Variants in FANCL observed in about 807,000 individuals in gnomAD.
The protein encoded by FANCL is E3 ubiquitin-protein ligase FANCL.
A neutral mutation model predicts 59.4 loss-of-function variants in FANCL; 69 were observed. That is an observed-to-expected ratio of 1.16 (90% CI 0.96 to 1.42). The LOEUF (loss-of-function observed/expected upper bound fraction) is 1.42, where lower values mean the gene tolerates loss of function less well. FANCL is among the 40% of genes most tolerant of loss of function. The pLI is 0.00. For synonymous variants in FANCL, 180 were observed against 147.1 expected (o/e 1.22, Z -1.62); for missense variants, 519 against 447.2 (o/e 1.16, Z -1.45).
At chr2:58,160,520 T>G (rs1326485417) in intron 12 of FANCL, among the ~76,000 whole-genome samples, 1 of 152,040 alleles carries the variant, frequency 6.6e-6, no homozygotes, top group Non-Finnish European at 1.5e-5. Flanking sequence ...ATTCATAGAC[T>G]TTCCCTAAAT....
At chr2:58,176,155 C>A (rs1428131270) in intron 7 of FANCL, among the ~76,000 whole-genome samples, 2 of 152,040 alleles carry the variant, frequency 1.3e-5, no homozygotes, top group Non-Finnish European at 2.9e-5. Context: ...GAAGAACATT[C>A]CATGCTCATG....
intron 9 of FANCL, 38 bp downstream of exon 9, chr2:58,163,396 G>T (rs771817789): frequency 7.8e-7 from 1 of 1,289,414 alleles, no homozygotes; most frequent in South Asian, 1.2e-5. Flanking sequence ...AGGATTTTAT[G>T]ACTCTATTAA....
intron 7 of FANCL, among the ~76,000 whole-genome samples, chr2:58,194,719 C>T (rs957560121): frequency 6.6e-6 from 1 of 151,818 alleles, no homozygotes; most frequent in African/African-American, 2.4e-5. Flanking sequence ...CTTGTCATGA[C>T]GCACAAAACC....
chr2:58,172,171 C>T (rs545926923), intron 7 of FANCL, among the ~76,000 whole-genome samples: 4 of 152,204 alleles, frequency 2.6e-5, no homozygotes, highest in South Asian at 2.1e-4. Flanking sequence ...TCTGGGGACA[C>T]GGCACAGACA....
At chr2:58,218,395 G>A (rs1692057180) in intron 5 of FANCL, among the ~76,000 whole-genome samples, 2 of 151,894 alleles carry the variant, frequency 1.3e-5, no homozygotes, top group African/African-American at 2.4e-5. Flanking sequence ...TATGGCTCTT[G>A]CAAAACTGAT....
chr2:58,228,495 T>C (rs1005628589), intron 3 of FANCL, among the ~76,000 whole-genome samples: 1 of 152,210 alleles, frequency 6.6e-6, no homozygotes, highest in Non-Finnish European at 1.5e-5. Context: ...TCCAGCTCAA[T>C]ACTGTTTTTG....
intron 5 of FANCL, among the ~76,000 whole-genome samples, chr2:58,220,923 A>T (rs960517582): frequency 6.6e-6 from 1 of 152,210 alleles, no homozygotes; most frequent in Non-Finnish European, 1.5e-5. Flanking sequence ...TTAAGAAGTG[A>T]TAAGAATTGC....
At chr2:58,193,229 G>A (rs1166022668) in intron 7 of FANCL, among the ~76,000 whole-genome samples, 1 of 151,898 alleles carries the variant, frequency 6.6e-6, no homozygotes, top group Non-Finnish European at 1.5e-5. Context: ...CAAATGCACA[G>A]TATTATCAAT....
At chr2:58,200,187 C>T (rs1222899373) in intron 6 of FANCL, among the ~76,000 whole-genome samples, 2 of 151,586 alleles carry the variant, frequency 1.3e-5, no homozygotes, top group Non-Finnish European at 2.9e-5. Context: ...AGATGATGTG[C>T]TTCAGAGTAT....
intron 1 of FANCL, among the ~76,000 whole-genome samples, chr2:58,234,129 C>G (rs1347809023): frequency 6.6e-6 from 1 of 151,974 alleles, no homozygotes; most frequent in African/African-American, 2.4e-5. Context: ...TGCAAAGCTA[C>G]TATGAGACAA....
At chr2:58,198,880 T>A (rs558217328) in intron 6 of FANCL, among the ~76,000 whole-genome samples, 18 of 151,942 alleles carry the variant, frequency 1.2e-4, no homozygotes, top group African/African-American at 4.3e-4. Context: ...ATACAAAAAA[T>A]TAGCCAGGCA....
intron 7 of FANCL, among the ~76,000 whole-genome samples, chr2:58,178,855 C>T (rs1462016514): frequency 6.6e-6 from 1 of 152,140 alleles, no homozygotes; most frequent in Admixed American, 6.6e-5. Flanking sequence ...CCCAAAATCT[C>T]CTTAAGCTGA....
intron 5 of FANCL, among the ~76,000 whole-genome samples, chr2:58,215,913 T>C (rs1691671679): frequency 6.6e-6 from 1 of 151,572 alleles, no homozygotes; most frequent in South Asian, 2.1e-4. Context: ...AAACAAGATT[T>C]AGAAAGTTCA....
chr2:58,177,530 A>G (rs369011323), intron 7 of FANCL, among the ~76,000 whole-genome samples: 11,734 of 150,640 alleles, frequency 0.078, 598 homozygotes, highest in East Asian at 0.2. Flanking sequence ...CTATCGCAAG[A>G]ACAAAAAACC....
chr2:58,229,447 A>T (rs1448839720), intron 3 of FANCL, among the ~76,000 whole-genome samples: 1 of 152,162 alleles, frequency 6.6e-6, no homozygotes, highest in African/African-American at 2.4e-5. Flanking sequence ...TTCTGTTGCT[A>T]ATCTAGGACT....
chr2:58,219,172 ATATATATATATATATAT>A (rs1195330745), intron 5 of FANCL, among the ~76,000 whole-genome samples: 1 of 36,526 alleles, frequency 2.7e-5, no homozygotes. Flanking sequence ...AAAAAAAAAA[ATATATATATATATATAT>A]ATATATATAT....
chr2:58,194,263 T>A (rs1286161806), intron 7 of FANCL: 1 of 470,988 alleles, frequency 2.1e-6, no homozygotes, highest in African/African-American at 2.0e-5. Context: ...CATTTTTGCT[T>A]GATCAGTGAC....
intron 5 of FANCL, among the ~76,000 whole-genome samples, chr2:58,212,746 T>C (rs1189416794): frequency 2.0e-5 from 3 of 152,040 alleles, no homozygotes; most frequent in Non-Finnish European, 4.4e-5. Flanking sequence ...TGTGAGCCAG[T>C]GTTACACCCA....
chr2:58,184,980 T>C (rs1423207201), intron 7 of FANCL, among the ~76,000 whole-genome samples: 1 of 152,120 alleles, frequency 6.6e-6, no homozygotes, highest in Non-Finnish European at 1.5e-5. Context: ...AAAAAATCTA[T>C]TTGTTGGTAT....
Sources: gnomAD v4.1 joint callset for allele counts (sites outside exome capture counted in the v4.1 genomes callset) on GRCh38, gnomAD v4.1.1 for gene constraint, MANE v1.5 for transcripts, NCBI Gene and HGNC (gene_info 2026-07-23, HGNC 2026-07-21) for gene names.